Variants in NRG3 observed in about 807,000 individuals in gnomAD.
The protein encoded by NRG3 is pro-neuregulin-3, membrane-bound isoform.
NRG3 carries 31 observed loss-of-function variants against 66.9 expected under a neutral mutation model. The observed-to-expected ratio is 0.46, with a 90% CI of 0.35 to 0.63. NRG3 has a LOEUF of 0.63. Among genes scored for constraint, NRG3 ranks in the 20% least tolerant of loss-of-function variants. The probability of loss-of-function intolerance (pLI) is 0.00; values close to 1 mark genes in which losing one functional copy is unlikely to be tolerated. For missense variants in NRG3, 910 were observed against 878.9 expected (o/e 1.04, Z -0.45); for synonymous variants, 393 against 359.4 (o/e 1.09, Z -1.06).
chr10:82,251,460 G>A (rs551456051), intron 1 of NRG3, among the ~76,000 whole-genome samples: 1 of 152,212 alleles, frequency 6.6e-6, no homozygotes, highest in South Asian at 2.1e-4. Context: ...CCACATGGGA[G>A]TGATCACAAT....
chr10:81,903,998 T>TATA (rs1161213864), intron 1 of NRG3, among the ~76,000 whole-genome samples: 98 of 92,400 alleles, frequency 1.1e-3, no homozygotes, highest in Admixed American at 2.4e-3. Context: ...ATATATATAT[T>TATA]TTTTTTTTTT....
chr10:82,553,463 C>T (rs1453605305), intron 2 of NRG3, among the ~76,000 whole-genome samples: 1 of 151,926 alleles, frequency 6.6e-6, no homozygotes, highest in African/African-American at 2.4e-5. Flanking sequence ...ATTGTGTACC[C>T]CTGAGTTACT....
At chr10:82,137,559 C>T (rs2069461224) in intron 1 of NRG3, among the ~76,000 whole-genome samples, 1 of 152,158 alleles carries the variant, frequency 6.6e-6, no homozygotes. Flanking sequence ...CCTATCTGAT[C>T]AGTTATTTAG....
intron 1 of NRG3, among the ~76,000 whole-genome samples, chr10:82,238,443 A>G (rs2076855111): frequency 6.6e-6 from 1 of 152,128 alleles, no homozygotes; most frequent in Non-Finnish European, 1.5e-5. Flanking sequence ...GTCATACAGA[A>G]AAGTCCCTTG....
chr10:82,901,794 T>G (rs1169896495), intron 4 of NRG3, among the ~76,000 whole-genome samples: 1 of 151,896 alleles, frequency 6.6e-6, no homozygotes, highest in Non-Finnish European at 1.5e-5. Context: ...CAAATCCACA[T>G]TCTGTGTTAT....
chr10:82,820,990 A>G (rs935032523), intron 3 of NRG3, among the ~76,000 whole-genome samples: 4 of 152,242 alleles, frequency 2.6e-5, no homozygotes, highest in Non-Finnish European at 5.9e-5. Context: ...CATTAAAAAG[A>G]CTAGAGAAAT....
In NRG3 at chr10:82,985,734, C is replaced by A; in HGVS notation, c.*129C>A. 1.0e-6 allele frequency: 1 copy of A among 968,112 alleles called. No homozygotes were observed. Among genetic ancestry groups the A allele is most frequent in the Non-Finnish European group, 1.5e-6 (1 of 656,612 alleles). The allele number at this position is 968,112 out of a possible 1,614,324, so 60.0% of individuals were successfully genotyped here. ...AAGAAACCAAATAGTCTATCGCCCT[C>A]ATATCATAGTGTTTTTTAACAAAAT... On this transcript the variant is annotated 3_prime_UTR_variant, in exon 9 of 9. Coordinates refer to ENST00000372141, the MANE Select transcript of NRG3 (RefSeq NM_001010848.4).
intron 2 of NRG3, among the ~76,000 whole-genome samples, chr10:82,386,514 C>T (rs187866941): frequency 2.2e-3 from 340 of 152,260 alleles, no homozygotes; most frequent in African/African-American, 6.4e-3. Context: ...GGACAAGAGT[C>T]TTCATAGAAA....
chr10:82,111,878 A>G (rs939582757), intron 1 of NRG3, among the ~76,000 whole-genome samples: 13 of 152,156 alleles, frequency 8.5e-5, no homozygotes, highest in African/African-American at 2.4e-4. Context: ...TAGCACCACA[A>G]ATCATCTATT....
Position 82,615,926 on chromosome 10 carries a change from G to T in NRG3, c.954-122651G>T, listed in dbSNP as rs529686880. The stretch of plus-strand genomic sequence containing the variant: ...GCAGACTACTCCTGTGAGACAAAAA[G>T]GCTAGTAAGAATACCTAGAATGTAC... On this transcript the variant is annotated intron_variant, in intron 2 of 8. Coordinates refer to ENST00000372141, the MANE Select transcript of NRG3 (RefSeq NM_001010848.4). Among the ~76,000 whole-genome samples the T allele has an allele frequency of 2.6e-5, 4 of 152,078 alleles. No individual in the cohort carries two copies. In the South Asian group the frequency reaches 6.2e-4, roughly 24 times the overall value.
At chr10:82,817,439 A>G (rs777764751) in intron 3 of NRG3, among the ~76,000 whole-genome samples, 2 of 152,216 alleles carry the variant, frequency 1.3e-5, no homozygotes, top group Non-Finnish European at 2.9e-5. Context: ...TAAATCTCAC[A>G]GTTCTCAGAG....
intron 3 of NRG3, among the ~76,000 whole-genome samples, chr10:82,782,169 A>G (rs1029876421): frequency 1.3e-5 from 2 of 152,128 alleles, no homozygotes; most frequent in African/African-American, 4.8e-5. Flanking sequence ...CCTTAATGCA[A>G]TAGTGTTGAG....
intron 4 of NRG3, among the ~76,000 whole-genome samples, chr10:82,946,211 T>TA (rs201328836): frequency 0.024 from 3,115 of 129,100 alleles, 46 homozygotes; most frequent in Middle Eastern, 0.042. Flanking sequence ...ATTTGAGATT[T>TA]AAAAAAAAAA....
At chr10:82,121,590 C>T (rs1246060289) in intron 1 of NRG3, among the ~76,000 whole-genome samples, 1 of 152,052 alleles carries the variant, frequency 6.6e-6, no homozygotes, top group African/African-American at 2.4e-5. Flanking sequence ...CTTTAGATGA[C>T]ATGTTAGAGT....
intron 1 of NRG3, among the ~76,000 whole-genome samples, chr10:82,168,059 C>A (rs1346560326): frequency 2.6e-5 from 4 of 151,886 alleles, no homozygotes; most frequent in African/African-American, 9.7e-5. Flanking sequence ...CAATATTATT[C>A]CTCCTCCTTA....
At chr10:82,347,240 A>G (rs11193865) in intron 1 of NRG3, among the ~76,000 whole-genome samples, 48,356 of 140,196 alleles carry the variant, frequency 0.34, 12,334 homozygotes, top group African/African-American at 0.74. Context: ...TGCTTTGAAT[A>G]CATCCCAGAG....
At chr10:82,710,209 G>A (rs964407382) in intron 2 of NRG3, among the ~76,000 whole-genome samples, 4 of 152,188 alleles carry the variant, frequency 2.6e-5, no homozygotes, top group Non-Finnish European at 5.9e-5. Context: ...CATAGGATAT[G>A]TGCACACTAA....
chr10:82,164,109 T>C (rs1339968918), intron 1 of NRG3, among the ~76,000 whole-genome samples: 2 of 151,890 alleles, frequency 1.3e-5, no homozygotes, highest in East Asian at 1.9e-4. Context: ...TTATTAGAGA[T>C]GGTGTTTCAC....
intron 1 of NRG3, among the ~76,000 whole-genome samples, chr10:81,883,219 C>T (rs1046617024): frequency 6.6e-6 from 1 of 152,084 alleles, no homozygotes; most frequent in Non-Finnish European, 1.5e-5. Context: ...CATCAAGGAG[C>T]TCTTTTAAAG....
Sources: allele counts gnomAD v4.1 joint callset (sites outside exome capture counted in the v4.1 genomes callset), GRCh38; gene constraint gnomAD v4.1.1; transcripts MANE v1.5; gene names NCBI Gene and HGNC (gene_info 2026-07-23, HGNC 2026-07-21).